Variants in KIF18A observed in about 807,000 individuals in gnomAD.
KIF18A encodes kinesin-like protein KIF18A.
KIF18A carries 67 observed loss-of-function variants against 103.3 expected under a neutral mutation model. The ratio of observed to expected loss-of-function variants is 0.65; its 90% confidence interval spans 0.53 to 0.79. KIF18A has a LOEUF of 0.79. Among genes scored for constraint, KIF18A ranks in the 30% least tolerant of loss-of-function variants. KIF18A has a pLI of 0.00. For missense variants in KIF18A, 1,032 were observed against 1,062.5 expected, an observed-to-expected ratio of 0.97 and a Z score of 0.40; for synonymous variants, 367 against 355.5, an observed-to-expected ratio of 1.03 and a Z score of -0.36.
At chr11:28,021,934 A>T (rs1850250851) in intron 16 of KIF18A, among the ~76,000 whole-genome samples, 1 of 152,272 alleles carries the variant, frequency 6.6e-6, no homozygotes, top group Admixed American at 6.5e-5. Flanking sequence ...TTTTAGAGGG[A>T]CATATTCCCT....
intron 10 of KIF18A, among the ~76,000 whole-genome samples, chr11:28,076,320 G>C (rs1200604437): frequency 6.6e-6 from 1 of 152,132 alleles, no homozygotes; most frequent in Non-Finnish European, 1.5e-5. Context: ...AAAATCTCCT[G>C]TTGGTCTAAG....
In KIF18A at chr11:28,088,519, C is replaced by T. The variant is rs1480308957; in HGVS notation, c.897+5G>A. On this transcript the variant is annotated splice_donor_5th_base_variant and intron_variant, in intron 6 of 16. Transcript: ENST00000263181. ...CTATTTAACAAATAAACATATAATG[C>T]CTACCTTTGAATCTGCTAAGGCATT... The T allele has an allele frequency of 6.2e-6, 10 of 1,604,158 alleles. No homozygotes were observed. The highest frequency in any genetic ancestry group is 8.5e-6 in the Non-Finnish European group (10 of 1,171,446).
At chr11:28,045,091 A>G (rs1257192589) in intron 13 of KIF18A, among the ~76,000 whole-genome samples, 1 of 152,110 alleles carries the variant, frequency 6.6e-6, no homozygotes. Context: ...CATATAATTG[A>G]TGAATGGTAG....
At chr11:28,021,730 T>C (rs1333194891) in intron 16 of KIF18A, among the ~76,000 whole-genome samples, 2 of 152,206 alleles carry the variant, frequency 1.3e-5, no homozygotes, top group Non-Finnish European at 2.9e-5. Flanking sequence ...AAAGGGCTGA[T>C]CTTAATCCTA....
At chr11:28,044,851 G>T (rs1490988772) in intron 13 of KIF18A, among the ~76,000 whole-genome samples, 1 of 151,900 alleles carries the variant, frequency 6.6e-6, no homozygotes, top group Non-Finnish European at 1.5e-5. Flanking sequence ...ATTAACATTA[G>T]TATTATAGAG....
At position 28,088,702 on chromosome 11, in the gene KIF18A, T is replaced by G; in HGVS notation, c.719A>C (p.Asp240Ala). Residue 240 changes from aspartate (D) to alanine (A), a missense_variant, in exon 6 of 17, where the codon GAC becomes GCC. By Grantham distance (126) the Asp-to-Ala change is moderately radical (BLOSUM62 -2). Coordinates refer to ENST00000263181, the MANE Select transcript of KIF18A (RefSeq NM_031217.4). ...AVFQIYLRQQ[D>A]KTASINQNVR... ...ATTTTGATTGATACTTGCTGTTTTG[T>G]CTTGTTGTCGCAAGTAAATCTTTTT... The G allele has an allele frequency of 6.2e-7, 1 of 1,613,804 alleles. No homozygotes were observed. Among genetic ancestry groups the G allele is most frequent in the East Asian group, 2.2e-5 (1 of 44,866 alleles).
chr11:28,022,181 C>G (rs1850254759), intron 16 of KIF18A, among the ~76,000 whole-genome samples: 2 of 151,820 alleles, frequency 1.3e-5, no homozygotes, highest in South Asian at 4.1e-4. Context: ...GATATTTTTA[C>G]TCACATCTCT....
intron 1 of KIF18A, among the ~76,000 whole-genome samples, chr11:28,103,320 A>T (rs75076736): frequency 3.5e-5 from 5 of 142,026 alleles, no homozygotes; most frequent in African/African-American, 5.1e-5. Context: ...TGCAAAAATT[A>T]AAAAAAAAAA....
intron 11 of KIF18A, among the ~76,000 whole-genome samples, chr11:28,068,760 G>A (rs1226522835): frequency 6.6e-6 from 1 of 152,110 alleles, no homozygotes; most frequent in East Asian, 1.9e-4. Context: ...AAGACTTATT[G>A]TTAAGAGAAC....
At position 28,097,875 on chromosome 11, in the gene KIF18A, C is replaced by T. The variant is rs745466755; in HGVS notation, c.73G>A (p.Glu25Lys). The change falls in exon 2 of 17, where the codon GAA becomes AAA. Residue 25 changes from glutamate (E) to lysine (K), a missense_variant. Coordinates refer to ENST00000263181, the MANE Select transcript of KIF18A (RefSeq NM_031217.4). Reference sequence around the variant, plus strand: ...ACTTTATGAAATCCAGCTGCTTTTTCTTTAGTGTTTTCCGGACGTACACGA... The same window carrying T: ...ACTTTATGAAATCCAGCTGCTTTTTTTTTAGTGTTTTCCGGACGTACACGA... ...VVRVRPENTK[E>K]KAAGFHKVVH... 106 of 1,610,940 alleles carry T rather than the reference C, an allele frequency of 6.6e-5. No homozygotes were observed. The highest frequency in any genetic ancestry group is 4.2e-4 in the Admixed American group (25 of 59,528).
At chr11:28,091,139 T>A (rs1238123379) in intron 4 of KIF18A, among the ~76,000 whole-genome samples, 1 of 145,406 alleles carries the variant, frequency 6.9e-6, no homozygotes, top group Non-Finnish European at 1.5e-5. Flanking sequence ...AATAAATAAA[T>A]AAATAAATAA....
At chr11:28,066,687 A>G (rs1212147208) in intron 11 of KIF18A, among the ~76,000 whole-genome samples, 2 of 149,256 alleles carry the variant, frequency 1.3e-5, no homozygotes, top group Non-Finnish European at 3.0e-5. Flanking sequence ...GACCTCCCCA[A>G]TCTCCCAGCT....
At chr11:28,066,163 T>C (rs1850920423) in intron 11 of KIF18A, among the ~76,000 whole-genome samples, 1 of 151,988 alleles carries the variant, frequency 6.6e-6, no homozygotes, top group South Asian at 2.1e-4. Flanking sequence ...GTTTAGAAAA[T>C]GATAATCTTG....
chr11:28,026,956 T>A (rs967195732), intron 15 of KIF18A, among the ~76,000 whole-genome samples: 6 of 151,794 alleles, frequency 4.0e-5, no homozygotes, highest in Non-Finnish European at 1.5e-5. Context: ...TTAAATGTCA[T>A]AGATGAGACA....
chr11:28,097,703 T>C lies in KIF18A; in HGVS notation c.245A>G (p.Glu82Gly). ...LKFVFDAVFD[E>G]TSTQSEVFEH... Reference sequence around the variant, plus strand: ...AAAAACTTCTGACTGAGTTGACGTTTCATCAAAAACAGCATCAAATACAAA... The same window carrying C: ...AAAAACTTCTGACTGAGTTGACGTTCCATCAAAAACAGCATCAAATACAAA... Residue 82 changes from glutamate (E) to glycine (G), a missense_variant, in exon 2 of 17, where the codon GAA becomes GGA. Transcript: ENST00000263181. The C allele has an allele frequency of 6.2e-7, 1 of 1,611,710 alleles. No individual in the cohort carries two copies. The highest frequency in any genetic ancestry group is 8.5e-7 in the Non-Finnish European group (1 of 1,178,372).
rs757787015 is a variant in KIF18A, at chr11:28,062,475, C to G, written c.1632G>C (p.Gln544His). The change falls in exon 12 of 17, where the codon CAG becomes CAC. Residue 544 changes from glutamine to histidine, a missense_variant. Coordinates refer to ENST00000263181, the MANE Select transcript of KIF18A (RefSeq NM_031217.4). The stretch of plus-strand genomic sequence containing the variant: ...TAATTTGTGCTTTCAAATCTTTGTT[C>G]TGGAGGTGCAAATGGTGACAATGAA... ...KDLHCHHLHL[Q>H]NKDLKAQIRH... The G allele has an allele frequency of 6.2e-7, 1 of 1,611,618 alleles. No homozygotes were observed. The highest frequency in any genetic ancestry group is 8.5e-7 in the Non-Finnish European group (1 of 1,178,516).
At chr11:28,050,438 G>C (rs1164390390) in intron 13 of KIF18A, among the ~76,000 whole-genome samples, 1 of 151,758 alleles carries the variant, frequency 6.6e-6, no homozygotes, top group African/African-American at 2.4e-5. Context: ...AATTAGTATA[G>C]AGATTTCCTA....
At chr11:28,044,311 T>C (rs1165485442) in intron 13 of KIF18A, among the ~76,000 whole-genome samples, 1 of 151,834 alleles carries the variant, frequency 6.6e-6, no homozygotes, top group African/African-American at 2.4e-5. Flanking sequence ...ACCCCCTAAA[T>C]GGAAAATCAA....
At chr11:28,076,763 A>G (rs1272233557) in intron 10 of KIF18A, 1 of 200,932 alleles carries the variant, frequency 5.0e-6, no homozygotes, top group Non-Finnish European at 9.9e-6. Flanking sequence ...GTGAAACATC[A>G]TCTCTACTAA....
Sources: allele counts gnomAD v4.1 joint callset (sites outside exome capture counted in the v4.1 genomes callset), GRCh38; gene constraint gnomAD v4.1.1; transcripts MANE v1.5; gene names NCBI Gene and HGNC (gene_info 2026-07-23, HGNC 2026-07-21).